The following ERAP1 variants were observed in gnomAD, a reference collection of about 807,000 sequenced individuals.
ERAP1 encodes the protein adipocyte-derived leucine aminopeptidase.
In ERAP1, 86 loss-of-function variants were observed where a neutral mutation model predicts 103.7. The ratio of observed to expected loss-of-function variants is 0.83; its 90% CI spans 0.70 to 0.99. The LOEUF (loss-of-function observed/expected upper bound fraction) is 0.99, where lower values mean the gene tolerates loss of function less well. ERAP1 is among the 50% of genes least tolerant of loss of function. ERAP1 has a pLI of 0.00. For missense variants in ERAP1, 1,009 were observed against 1,128.4 expected (o/e 0.89, Z 1.52); for synonymous variants, 398 against 402.4 (o/e 0.99, Z 0.13).
chr5:96,857,120 C>T, the ERAP1 span, among the ~76,000 whole-genome samples: 1 of 152,214 alleles, frequency 6.6e-6, no homozygotes, highest in Non-Finnish European at 1.5e-5. Context: ...CTGCTCTTCT[C>T]TTTGCTTAGG....
intron 19 of ERAP1, among the ~76,000 whole-genome samples, chr5:96,764,381 G>A (rs760568763): frequency 9.9e-5 from 15 of 152,148 alleles, no homozygotes; most frequent in Non-Finnish European, 1.8e-4. Flanking sequence ...GTAAATAAAT[G>A]TTAGAGGAAA....
the ERAP1 span, among the ~76,000 whole-genome samples, chr5:96,872,690 C>T: frequency 1.3e-5 from 2 of 152,010 alleles, no homozygotes; most frequent in African/African-American, 4.8e-5. Flanking sequence ...ATATATTTTC[C>T]CTAATTGATT....
At position 96,783,067 on chromosome 5, in the gene ERAP1, A is replaced by G. The variant is rs779017908; in HGVS notation, c.2269T>C (p.Ser757Pro). 1 of 1,614,186 alleles carries G rather than the reference A, an allele frequency of 6.2e-7. No individual in the cohort carries two copies. Among genetic ancestry groups the G allele is most frequent in the Non-Finnish European group, 8.5e-7 (1 of 1,180,020 alleles). ...AGGACTGACCTCAAGTTTCCATTGG[A>G]TTCCTTCCACTTTCTGAAATAGCCT... The part of the protein sequence containing the change: ...AEGYFRKWKE[S>P]NGNLSLPVDV... Residue 757 changes from serine to proline, a missense_variant, in exon 15 of 19, where the codon TCC (serine) becomes CCC (proline). This residue lies in a region of ERAP1 where 611 missense variants were observed against 651.7 expected (regional missense o/e 0.94). Coordinates refer to ENST00000443439, the MANE Select transcript of ERAP1 (RefSeq NM_001040458.3).
rs1213183487 is a variant in ERAP1 at position 96,776,172 on chromosome 5, G to A, written c.*224C>T. 6.6e-7 allele frequency: 1 copy of A among 1,505,502 alleles called. No homozygotes were observed. The highest frequency in any genetic ancestry group is 2.6e-5 in the East Asian group (1 of 38,858). 93.3% of individuals were successfully genotyped at this position (1,505,502 alleles called of 1,614,324 possible). On this transcript the variant is annotated 3_prime_UTR_variant, in exon 19 of 19. Coordinates refer to ENST00000443439, the MANE Select transcript of ERAP1 (RefSeq NM_001040458.3). ...TTCTGTGGCAGGGAACCCAACACTT[G>A]GGTTTACGTTGCAGGGCAACACCTG... is the stretch of plus-strand genomic sequence containing the variant.
the ERAP1 span, among the ~76,000 whole-genome samples, chr5:96,856,021 T>C: frequency 6.6e-6 from 1 of 151,952 alleles, no homozygotes; most frequent in Admixed American, 6.6e-5. Context: ...ATCTTTCCTA[T>C]AAATATATTT....
chr5:96,790,686 C>T (rs369755448), intron 8 of ERAP1, 43 bp from the exon 9 acceptor site: 1 of 1,548,656 alleles, frequency 6.5e-7, no homozygotes, highest in African/African-American at 1.4e-5. Flanking sequence ...AGTTTCATTG[C>T]AGTCTCATCT....
At chr5:96,770,650 G>C (rs374215782), downstream of ERAP1, 1 of 1,238,430 alleles carries the variant, frequency 8.1e-7, no homozygotes, top group Admixed American at 1.7e-5. Context: ...CAGTTACACA[G>C]AGTAGGGTTT....
chr5:96,846,791 G>A, the ERAP1 span, among the ~76,000 whole-genome samples: 1 of 150,452 alleles, frequency 6.6e-6, no homozygotes, highest in African/African-American at 2.4e-5. Flanking sequence ...GAGAAGCCAT[G>A]GTAAAAAAAA....
the ERAP1 span, among the ~76,000 whole-genome samples, chr5:96,924,247 T>C: frequency 1.9e-3 from 291 of 152,360 alleles, no homozygotes; most frequent in African/African-American, 6.7e-3. Context: ...CTGTTTTGTT[T>C]TGAGGTCTCT....
At chr5:96,803,263 A>G in intron 2 of ERAP1, 140 bp downstream of exon 2, 1 of 788,116 alleles carries the variant, frequency 1.3e-6, no homozygotes, top group South Asian at 1.8e-5. Flanking sequence ...AGCCATTTTT[A>G]ACACTATAAA....
intron 13 of ERAP1, 135 bp from the exon 14 acceptor site, chr5:96,784,215 C>G (rs1405897736): frequency 2.1e-6 from 2 of 944,904 alleles, no homozygotes; most frequent in Non-Finnish European, 3.3e-6. Context: ...ATAACTACGG[C>G]CGGGCGCGGT....
the ERAP1 span, among the ~76,000 whole-genome samples, chr5:96,874,333 C>A: frequency 6.6e-6 from 1 of 152,342 alleles, no homozygotes; most frequent in Non-Finnish European, 1.5e-5. Flanking sequence ...TTCTCCATCA[C>A]CACTTCTGTT....
the ERAP1 span, among the ~76,000 whole-genome samples, chr5:96,853,295 G>T: frequency 9.2e-5 from 14 of 152,210 alleles, no homozygotes; most frequent in East Asian, 2.7e-3. Context: ...TTTGCTCTCT[G>T]CCCCAGTTTG....
At chr5:96,890,071 TGGTTGTGGTAGTA>T in the ERAP1 span, among the ~76,000 whole-genome samples, 1 of 152,196 alleles carries the variant, frequency 6.6e-6, no homozygotes, top group Non-Finnish European at 1.5e-5. Flanking sequence ...ACAGATCATT[TGGTTGTGGTAGTA>T]GGTCTTTACA....
At chr5:96,885,726 T>A in the ERAP1 span, among the ~76,000 whole-genome samples, 1 of 144,678 alleles carries the variant, frequency 6.9e-6, no homozygotes, top group African/African-American at 2.5e-5. Context: ...TGTCTAGGAG[T>A]TGTGACTAGC....
chr5:96,850,414 A>T, the ERAP1 span, among the ~76,000 whole-genome samples: 7,275 of 152,286 alleles, frequency 0.048, 215 homozygotes, highest in South Asian at 0.11. Context: ...TAACCCTACT[A>T]AAAAATAGAC....
the ERAP1 span, chr5:96,896,773 G>A: frequency 6.8e-7 from 1 of 1,478,060 alleles, no homozygotes; most frequent in Non-Finnish European, 9.0e-7. Flanking sequence ...TTCTGGGTGA[G>A]GAGAAATTCC....
At chr5:96,908,972 T>C in the ERAP1 span, 1 of 1,614,068 alleles carries the variant, frequency 6.2e-7, no homozygotes, top group Non-Finnish European at 8.5e-7. Context: ...GCAGGGAGAC[T>C]GACCCTAGAC....
At chr5:96,855,833 G>T in the ERAP1 span, among the ~76,000 whole-genome samples, 1 of 152,050 alleles carries the variant, frequency 6.6e-6, no homozygotes, top group Non-Finnish European at 1.5e-5. Context: ...GTAGGAGAAG[G>T]GAATTTTCAG....
Sources: allele counts gnomAD v4.1 joint callset (sites outside exome capture counted in the v4.1 genomes callset), GRCh38; gene constraint gnomAD v4.1.1; regional missense constraint gnomAD v4.1.1; transcripts MANE v1.5; gene names NCBI Gene and HGNC (gene_info 2026-07-23, HGNC 2026-07-21).